Variants in UBE2F observed in about 807,000 individuals in gnomAD.
UBE2F encodes ubiquitin conjugating enzyme E2 F (putative).
A neutral mutation model predicts 29.6 loss-of-function variants in UBE2F; 5 were observed. The ratio of observed to expected loss-of-function variants is 0.17; its 90% confidence interval spans 0.09 to 0.36. The LOEUF (loss-of-function observed/expected upper bound fraction) is 0.36, where lower values mean the gene tolerates loss of function less well. Ranked by LOEUF, UBE2F falls within the 10% of genes least tolerant of loss-of-function variation. UBE2F has a pLI of 1.00. For missense variants in UBE2F, 141 were observed against 228.5 expected, an observed-to-expected ratio of 0.62 and a Z score of 2.47; for synonymous variants, 66 against 81.8, an observed-to-expected ratio of 0.81 and a Z score of 1.04.
chr2:238,031,768 A>T (rs1019775215), intron 7 of UBE2F, among the ~76,000 whole-genome samples: 2 of 152,272 alleles, frequency 1.3e-5, no homozygotes, highest in Non-Finnish European at 2.9e-5. Context: ...AAAATCATTA[A>T]GAAAACTTAA....
At position 238,026,520 on chromosome 2, in the gene UBE2F, G is replaced by A. The variant is rs1003720124; in HGVS notation, c.353+1108G>A. Among the ~76,000 whole-genome samples the A allele has an allele frequency of 3.3e-5, 5 of 152,068 alleles. No homozygotes were observed. In the East Asian group the frequency reaches 5.8e-4, roughly 18 times the overall value. On this transcript the variant is annotated intron_variant, in intron 6 of 9. Coordinates refer to ENST00000272930, the MANE Select transcript of UBE2F (RefSeq NM_080678.3). ...GCGATCTGAGCTCACTGCAAGCTCC[G>A]CCTCCCAGGTTCACGCCATTCTCCT...
chr2:237,980,348 G>C (rs1329670611), intron 2 of UBE2F, among the ~76,000 whole-genome samples: 1 of 152,364 alleles, frequency 6.6e-6, no homozygotes, highest in East Asian at 1.9e-4. Context: ...CCTTCTGGAG[G>C]CTGGAAGGCC....
chr2:237,986,933 T>TA (rs1205532945), intron 2 of UBE2F, among the ~76,000 whole-genome samples: 1 of 152,230 alleles, frequency 6.6e-6, no homozygotes, highest in Non-Finnish European at 1.5e-5. Context: ...GTGTGATGCT[T>TA]ACAACTTTGT....
chr2:238,033,627 G>A (rs1204193263), intron 8 of UBE2F, among the ~76,000 whole-genome samples: 1 of 152,178 alleles, frequency 6.6e-6, no homozygotes, highest in Non-Finnish European at 1.5e-5. Context: ...AGCAAAAGCA[G>A]AGCCTCAAAC....
At chr2:237,975,104 A>T (rs907949307) in intron 2 of UBE2F, among the ~76,000 whole-genome samples, 5 of 145,546 alleles carry the variant, frequency 3.4e-5, no homozygotes, top group Non-Finnish European at 5.9e-5. Context: ...ATTTCTTTAA[A>T]ATTTTTTTTT....
At chr2:238,023,273 G>T (rs2064337152) in intron 5 of UBE2F, among the ~76,000 whole-genome samples, 1 of 152,258 alleles carries the variant, frequency 6.6e-6, no homozygotes, top group Non-Finnish European at 1.5e-5. Flanking sequence ...AGGGAAAGAT[G>T]CAGTTCCTCC....
chr2:237,972,541 ATTT>A (rs57914670), intron 1 of UBE2F, among the ~76,000 whole-genome samples: 56,553 of 123,702 alleles, frequency 0.46, 13,733 homozygotes, highest in East Asian at 0.66. Context: ...TTAATTTTAA[ATTT>A]TTTTTTTTTT....
At chr2:237,996,461 C>T (rs1206032433) in intron 4 of UBE2F, among the ~76,000 whole-genome samples, 1 of 142,732 alleles carries the variant, frequency 7.0e-6, no homozygotes. Context: ...TGTTTCTTCC[C>T]CGCCTCCCCT....
At chr2:237,983,220 C>A (rs904576675) in intron 2 of UBE2F, among the ~76,000 whole-genome samples, 8 of 152,224 alleles carry the variant, frequency 5.3e-5, no homozygotes, top group Non-Finnish European at 1.2e-4. Flanking sequence ...ACAGAACTTG[C>A]TCTATTTCTG....
Position 237,982,848 on chromosome 2 carries a change from T to A in UBE2F, c.119-5115T>A, listed in dbSNP as rs1298997811. On this transcript the variant is annotated intron_variant, in intron 2 of 9. Coordinates refer to ENST00000272930, the MANE Select transcript of UBE2F (RefSeq NM_080678.3). This position sits in a 1 kb window ranked among gnomAD's most constrained non-coding sequence, Gnocchi z 4.1. ...GTGGTCCGAGGTTCTGTTGTCTTTC[T>A]CCATCCTCTGCCTTTCCCATACATT... Among the ~76,000 whole-genome samples, 1 of 152,148 alleles carries A rather than the reference T, an allele frequency of 6.6e-6. No homozygotes were observed. The highest frequency in any genetic ancestry group is 1.5e-5 in the Non-Finnish European group (1 of 68,028).
At position 238,041,352 on chromosome 2, in the gene UBE2F, T is replaced by C. The variant is rs778199423; in HGVS notation, c.*14T>C. 4 of 1,613,548 alleles carry C rather than the reference T, an allele frequency of 2.5e-6. No homozygotes were observed. Among genetic ancestry groups the C allele is most frequent in the East Asian group, 2.2e-5 (1 of 44,896 alleles). ...TATGCCAGATGATAAAAGGGGACGATTGCAGGCCCATGGACTGTGTTACAG... is the reference window on the plus strand; with the variant it reads ...TATGCCAGATGATAAAAGGGGACGACTGCAGGCCCATGGACTGTGTTACAG... On this transcript the variant is annotated 3_prime_UTR_variant, in exon 10 of 10. Coordinates refer to ENST00000272930, the MANE Select transcript of UBE2F (RefSeq NM_080678.3).
chr2:237,967,076 C>G lies in UBE2F; in HGVS notation c.-73C>G. 7.5e-7 allele frequency: 1 copy of G among 1,332,906 alleles called. No individual in the cohort carries two copies. The highest frequency in any genetic ancestry group is 1.5e-5 in the African/African-American group (1 of 65,208). 82.6% of individuals were successfully genotyped at this position (1,332,906 alleles called of 1,614,324 possible). A position where few individuals can be genotyped will look rare whatever the true frequency, so the allele number is the denominator to read the frequency against. ...AGGGGCCGCGTCTCGCAGCAGCCGC[C>G]CGGACCGGGCATGGTGTTGGGCGCC... is the stretch of plus-strand genomic sequence containing the variant. On this transcript the variant is annotated 5_prime_UTR_variant, in exon 1 of 10. Coordinates refer to ENST00000272930, the MANE Select transcript of UBE2F (RefSeq NM_080678.3). This position sits in a 1 kb window ranked among gnomAD's most constrained non-coding sequence, Gnocchi z 6.3.
At chr2:238,018,079 A>G (rs756639511) in intron 5 of UBE2F, among the ~76,000 whole-genome samples, 2 of 152,190 alleles carry the variant, frequency 1.3e-5, no homozygotes, top group Non-Finnish European at 2.9e-5. Context: ...GAAAATACAC[A>G]TTTCCAGTCT....
intron 4 of UBE2F, among the ~76,000 whole-genome samples, chr2:237,998,239 A>G (rs192896158): frequency 1.3e-5 from 2 of 152,376 alleles, no homozygotes; most frequent in African/African-American, 4.8e-5. Context: ...ATATGTAACC[A>G]TAACCCCAAT....
At chr2:237,991,938 T>A (rs1257451260) in intron 3 of UBE2F, among the ~76,000 whole-genome samples, 1 of 151,598 alleles carries the variant, frequency 6.6e-6, no homozygotes, top group African/African-American at 2.4e-5. Flanking sequence ...CGATCTCAGC[T>A]CTCTGCAACC....
chr2:237,970,355 A>G (rs988598218), intron 1 of UBE2F, among the ~76,000 whole-genome samples: 1 of 152,224 alleles, frequency 6.6e-6, no homozygotes, highest in African/African-American at 2.4e-5. Flanking sequence ...AGCCTGGGCT[A>G]CAGAGCAAGA....
rs2063558702 is a variant in UBE2F, at chr2:237,990,303, C to T, written c.148+2311C>T. The T allele has an allele frequency of 5.0e-5, 20 of 403,048 alleles. 1 individual carries two copies. The highest frequency in any genetic ancestry group is 3.2e-4 in the South Asian group (17 of 53,462). 25.0% of individuals were successfully genotyped at this position (403,048 alleles called of 1,614,324 possible). ...ATTATACTCTTCTCTTTTATTAGGA[C>T]ATTTTCCTAATAAAAATAAAATAAA... On this transcript the variant is annotated intron_variant, in intron 3 of 9. Transcript: ENST00000272930.
At chr2:238,015,907 T>TG (rs891629344) in intron 4 of UBE2F, among the ~76,000 whole-genome samples, 2 of 151,566 alleles carry the variant, frequency 1.3e-5, no homozygotes, top group Non-Finnish European at 2.9e-5. Flanking sequence ...CTACAGGGTG[T>TG]GGGGGGCGGG....
At chr2:238,011,946 A>T (rs1275182165) in intron 4 of UBE2F, among the ~76,000 whole-genome samples, 1 of 151,958 alleles carries the variant, frequency 6.6e-6, no homozygotes, top group African/African-American at 2.4e-5. Context: ...TGGTGCAGTC[A>T]TGGCTCACTG....
Sources: allele counts gnomAD v4.1 joint callset (sites outside exome capture counted in the v4.1 genomes callset), GRCh38; gene constraint gnomAD v4.1.1; non-coding constraint Gnocchi (gnomAD v3.1); transcripts MANE v1.5; gene names NCBI Gene and HGNC (gene_info 2026-07-23, HGNC 2026-07-21).